Variants in MAGI1 observed in about 807,000 individuals in gnomAD.
MAGI1 encodes membrane associated guanylate kinase, WW and PDZ domain containing 1.
MAGI1 carries 58 observed loss-of-function variants against 139.9 expected under a neutral mutation model. That is an observed-to-expected ratio of 0.41 (90% confidence interval 0.34 to 0.52). The LOEUF (loss-of-function observed/expected upper bound fraction) is 0.52, where lower values mean the gene tolerates loss of function less well. Ranked by LOEUF, MAGI1 falls within the 20% of genes least tolerant of loss-of-function variation. The pLI is 0.12. For missense variants in MAGI1, 1,874 were observed against 1,901.6 expected, an observed-to-expected ratio of 0.99 and a Z score of 0.27; for synonymous variants, 812 against 737.9, an observed-to-expected ratio of 1.10 and a Z score of -1.63.
At chr3:65,493,077 CAAAA>C (rs11412426) in intron 3 of MAGI1, among the ~76,000 whole-genome samples, 1 of 110,242 alleles carries the variant, frequency 9.1e-6, no homozygotes. Flanking sequence ...GACTCCGTCT[CAAAA>C]AAAAAAAAAA....
intron 1 of MAGI1, among the ~76,000 whole-genome samples, chr3:65,929,087 G>A (rs1021321863): frequency 6.6e-5 from 10 of 151,512 alleles, no homozygotes; most frequent in Non-Finnish European, 8.8e-5. Context: ...CCAGCAGGTC[G>A]AGGCTGCAGT....
chr3:65,954,636 G>C (rs1041425799), intron 1 of MAGI1: 1 of 152,254 alleles, frequency 6.6e-6, no homozygotes, highest in Admixed American at 6.5e-5. Context: ...GGCACGGCGG[G>C]GAAATGGCAG....
At chr3:65,741,653 G>A (rs758221637) in intron 1 of MAGI1, among the ~76,000 whole-genome samples, 1 of 152,158 alleles carries the variant, frequency 6.6e-6, no homozygotes, top group Admixed American at 6.5e-5. Flanking sequence ...AAGAAGCCAC[G>A]TTGAGAAGAC....
At chr3:65,979,202 A>G (rs1576338577) in intron 1 of MAGI1, among the ~76,000 whole-genome samples, 1 of 150,180 alleles carries the variant, frequency 6.7e-6, no homozygotes, top group East Asian at 2.0e-4. Context: ...GTAATTTACC[A>G]AATAAGGCAT....
At chr3:65,979,828 A>G (rs958537788) in intron 1 of MAGI1, among the ~76,000 whole-genome samples, 1 of 152,206 alleles carries the variant, frequency 6.6e-6, no homozygotes, top group Non-Finnish European at 1.5e-5. Flanking sequence ...CAAGAGACCA[A>G]AAATTCAGAA....
chr3:65,570,506 A>T (rs936944903), intron 2 of MAGI1, among the ~76,000 whole-genome samples: 1 of 152,210 alleles, frequency 6.6e-6, no homozygotes, highest in Non-Finnish European at 1.5e-5. Flanking sequence ...AAGTTGCACT[A>T]AAGTATAAAG....
At chr3:65,636,703 T>TACACAC (rs10662746) in intron 1 of MAGI1, among the ~76,000 whole-genome samples, 3,205 of 148,504 alleles carry the variant, frequency 0.022, 41 homozygotes, top group Non-Finnish European at 0.032. Context: ...GGAAAACACA[T>TACACAC]ACACACACAC....
At chr3:65,739,846 A>ACAGAT (rs2035106094) in intron 1 of MAGI1, among the ~76,000 whole-genome samples, 1 of 152,200 alleles carries the variant, frequency 6.6e-6, no homozygotes, top group Non-Finnish European at 1.5e-5. Context: ...ATAAATGATC[A>ACAGAT]CAGATCACCA....
chr3:65,530,560 T>C (rs2078597232), intron 2 of MAGI1, among the ~76,000 whole-genome samples: 1 of 149,846 alleles, frequency 6.7e-6, no homozygotes, highest in Admixed American at 6.7e-5. Context: ...GAGGTTGCAA[T>C]GAGCCAAGAT....
At chr3:66,034,312 G>A (rs147235041) in intron 1 of MAGI1, among the ~76,000 whole-genome samples, 1 of 152,184 alleles carries the variant, frequency 6.6e-6, no homozygotes, top group Non-Finnish European at 1.5e-5. Context: ...GGGAGCACAG[G>A]CTTTGGAATC....
chr3:65,703,710 G>C (rs968475832), intron 1 of MAGI1, among the ~76,000 whole-genome samples: 4 of 152,196 alleles, frequency 2.6e-5, no homozygotes, highest in Non-Finnish European at 4.4e-5. Flanking sequence ...AGGCTTCCCA[G>C]TGTGCCCAGA....
At chr3:65,685,172 C>T (rs1302217640) in intron 1 of MAGI1, among the ~76,000 whole-genome samples, 1 of 151,770 alleles carries the variant, frequency 6.6e-6, no homozygotes, top group Non-Finnish European at 1.5e-5. Context: ...TCAAAATTTT[C>T]CATTAATAAA....
At chr3:65,435,140 T>C (rs1234868812) in intron 10 of MAGI1, among the ~76,000 whole-genome samples, 1 of 152,154 alleles carries the variant, frequency 6.6e-6, no homozygotes, top group Non-Finnish European at 1.5e-5. Flanking sequence ...AAATGTTTGG[T>C]GTTTAAGCCA....
At chr3:65,661,527 G>C (rs2086186530) in intron 1 of MAGI1, among the ~76,000 whole-genome samples, 1 of 152,094 alleles carries the variant, frequency 6.6e-6, no homozygotes. Context: ...CAAGATGTTT[G>C]CATTGGAATC....
intron 1 of MAGI1, among the ~76,000 whole-genome samples, chr3:65,686,693 T>C (rs1692218461): frequency 6.6e-6 from 1 of 152,194 alleles, no homozygotes; most frequent in Admixed American, 6.5e-5. Context: ...AATTATGCTA[T>C]GGCATGCATG....
chr3:65,783,639 C>A (rs9856992), intron 1 of MAGI1, among the ~76,000 whole-genome samples: 1 of 151,750 alleles, frequency 6.6e-6, no homozygotes, highest in Non-Finnish European at 1.5e-5. Flanking sequence ...GGACTTCAGG[C>A]GTGCATCACC....
intron 2 of MAGI1, among the ~76,000 whole-genome samples, chr3:65,609,282 TTTG>T (rs1214596468): frequency 2.7e-5 from 4 of 147,062 alleles, no homozygotes; most frequent in African/African-American, 1.1e-4. Context: ...CTCTCTTTTT[TTTG>T]TTTTTTTTTT....
At chr3:65,433,898 C>G (rs1384194787) in intron 10 of MAGI1, among the ~76,000 whole-genome samples, 1 of 152,142 alleles carries the variant, frequency 6.6e-6, no homozygotes, top group African/African-American at 2.4e-5. Flanking sequence ...TGCACCTGCA[C>G]TGTTCAATAT....
At chr3:65,492,873 T>C (rs1459595533) in intron 3 of MAGI1, among the ~76,000 whole-genome samples, 1 of 151,998 alleles carries the variant, frequency 6.6e-6, no homozygotes, top group Non-Finnish European at 1.5e-5. Context: ...GGTCAGGAGA[T>C]CGAGACGATC....
Sources: gnomAD v4.1 joint callset for allele counts (sites outside exome capture counted in the v4.1 genomes callset) on GRCh38, gnomAD v4.1.1 for gene constraint, MANE v1.5 for transcripts, NCBI Gene and HGNC (gene_info 2026-07-23, HGNC 2026-07-21) for gene names.